The following NMNAT1 variants were observed in gnomAD, a reference collection of about 807,000 sequenced individuals.
The protein encoded by NMNAT1 is nicotinamide nucleotide adenylyltransferase 1, also known as nicotinamide/nicotinic acid mononucleotide adenylyltransferase 1.
A neutral mutation model predicts 16.7 loss-of-function variants in NMNAT1; 11 were observed. The observed-to-expected ratio is 0.66, with a 90% CI of 0.41 to 1.09. The LOEUF (loss-of-function observed/expected upper bound fraction) is 1.09. Ranked by LOEUF, NMNAT1 falls within the 50% of genes least tolerant of loss-of-function variation. The probability of loss-of-function intolerance (pLI) is 0.00; values close to 1 mark genes in which losing one functional copy is unlikely to be tolerated. For missense variants in NMNAT1, 280 were observed against 332.3 expected (o/e 0.84, Z 1.22); for synonymous variants, 110 against 119.8 (o/e 0.92, Z 0.53).
chr1:9,953,056 C>T (rs990187919), intron 1 of NMNAT1, among the ~76,000 whole-genome samples: 5 of 151,000 alleles, frequency 3.3e-5, no homozygotes, highest in Non-Finnish European at 5.9e-5. Context: ...TCTTGACTCA[C>T]TGCAACCTCT....
At chr1:9,966,691 C>G (rs888420886) in intron 1 of NMNAT1, among the ~76,000 whole-genome samples, 2 of 151,890 alleles carry the variant, frequency 1.3e-5, no homozygotes, top group East Asian at 1.9e-4. Context: ...ATTTTTTTAA[C>G]TTGTTGAAAA....
the NMNAT1 span, among the ~76,000 whole-genome samples, chr1:9,991,119 A>G: frequency 6.6e-6 from 1 of 152,004 alleles, no homozygotes. Flanking sequence ...AAGTTTTAGA[A>G]CAATAAGATT....
At chr1:9,975,217 T>C (rs1013618518) in intron 2 of NMNAT1, among the ~76,000 whole-genome samples, 27 of 152,124 alleles carry the variant, frequency 1.8e-4, no homozygotes, top group Non-Finnish European at 3.2e-4. Flanking sequence ...TAAAACAATA[T>C]TGGCCAGGTG....
At chr1:9,952,174 C>A (rs576947012) in intron 1 of NMNAT1, among the ~76,000 whole-genome samples, 4 of 151,972 alleles carry the variant, frequency 2.6e-5, no homozygotes, top group Non-Finnish European at 5.9e-5. Flanking sequence ...TGGTGGCGGG[C>A]ACCTGTAGTC....
chr1:9,948,500 G>A (rs181533390), intron 1 of NMNAT1, among the ~76,000 whole-genome samples: 1 of 152,238 alleles, frequency 6.6e-6, no homozygotes, highest in African/African-American at 2.4e-5. Flanking sequence ...AGGATGGCTT[G>A]AGTCCGGGAG....
chr1:9,965,194 G>A (rs530579370), intron 1 of NMNAT1, among the ~76,000 whole-genome samples: 3 of 149,436 alleles, frequency 2.0e-5, no homozygotes, highest in East Asian at 2.0e-4. Flanking sequence ...GCGTGGGCCT[G>A]TAGTCCCAGA....
At chr1:9,986,888 C>T (rs1642051589), downstream of NMNAT1, among the ~76,000 whole-genome samples, 1 of 151,564 alleles carries the variant, frequency 6.6e-6, no homozygotes, top group Non-Finnish European at 1.5e-5. Flanking sequence ...TCTCAAAAAA[C>T]AAAACAGGGC....
At chr1:9,974,680 G>A (rs529908914) in intron 2 of NMNAT1, among the ~76,000 whole-genome samples, 22 of 151,844 alleles carry the variant, frequency 1.4e-4, no homozygotes, top group African/African-American at 2.7e-4. Flanking sequence ...GAGCCACCGC[G>A]CCTGGCCTAA....
At chr1:9,992,864 A>G in the NMNAT1 span, among the ~76,000 whole-genome samples, 1 of 152,078 alleles carries the variant, frequency 6.6e-6, no homozygotes, top group Non-Finnish European at 1.5e-5. Context: ...GTGAGTGGAG[A>G]TCGCACCAAT....
At chr1:9,979,013 T>C (rs1641876038) in intron 3 of NMNAT1, among the ~76,000 whole-genome samples, 1 of 152,208 alleles carries the variant, frequency 6.6e-6, no homozygotes, top group Non-Finnish European at 1.5e-5. Context: ...GCTCTGCTAT[T>C]AATACTTTTA....
chr1:9,988,809 G>T (rs566061299), downstream of NMNAT1, among the ~76,000 whole-genome samples: 1 of 151,524 alleles, frequency 6.6e-6, no homozygotes, highest in East Asian at 1.9e-4. Flanking sequence ...GGGATCACAG[G>T]CGTGTGCCAC....
At chr1:9,951,638 C>CTAATTTTTG (rs1163861194) in intron 1 of NMNAT1, among the ~76,000 whole-genome samples, 1 of 152,100 alleles carries the variant, frequency 6.6e-6, no homozygotes, top group Non-Finnish European at 1.5e-5. Flanking sequence ...CCAGGTCCAG[C>CTAATTTTTG]TAATTTTTGT....
intron 1 of NMNAT1, among the ~76,000 whole-genome samples, chr1:9,944,800 A>C (rs187790353): frequency 6.6e-6 from 1 of 152,340 alleles, no homozygotes; most frequent in Non-Finnish European, 1.5e-5. Flanking sequence ...TCTCTTTATT[A>C]CCATCAGTTG....
chr1:9,996,455 C>T, the NMNAT1 span, among the ~76,000 whole-genome samples: 7 of 152,134 alleles, frequency 4.6e-5, no homozygotes, highest in African/African-American at 1.7e-4. Flanking sequence ...ATATTCCCAC[C>T]CCTTCTCCTT....
At chr1:9,978,059 C>T (rs541787425) in intron 3 of NMNAT1, among the ~76,000 whole-genome samples, 1 of 151,648 alleles carries the variant, frequency 6.6e-6, no homozygotes, top group African/African-American at 2.4e-5. Flanking sequence ...CTATAAATAG[C>T]GCAATAATAG....
intron 2 of NMNAT1, chr1:9,972,455 C>T: frequency 4.2e-6 from 1 of 237,450 alleles, no homozygotes; most frequent in Non-Finnish European, 8.2e-6. Context: ...GAGATTGCTG[C>T]ACTGCACTCC....
the NMNAT1 span, among the ~76,000 whole-genome samples, chr1:9,991,035 G>A: frequency 3.3e-5 from 5 of 152,020 alleles, no homozygotes; most frequent in Non-Finnish European, 7.4e-5. Context: ...TGCTCAAGCT[G>A]GCCAGAAGCC....
chr1:9,951,073 A>G (rs569190591), intron 1 of NMNAT1, among the ~76,000 whole-genome samples: 1 of 151,580 alleles, frequency 6.6e-6, no homozygotes, highest in South Asian at 2.1e-4. Context: ...TAAGCAACAA[A>G]GTGAGACTCT....
At chr1:9,953,587 T>C (rs1570678904) in intron 1 of NMNAT1, among the ~76,000 whole-genome samples, 1 of 150,102 alleles carries the variant, frequency 6.7e-6, no homozygotes, top group African/African-American at 2.5e-5. Context: ...ACTACAGGCG[T>C]GTGCCACCAC....
Sources: gnomAD v4.1 joint callset for allele counts (sites outside exome capture counted in the v4.1 genomes callset) on GRCh38, gnomAD v4.1.1 for gene constraint, MANE v1.5 for transcripts, NCBI Gene and HGNC (gene_info 2026-07-23, HGNC 2026-07-21) for gene names.